The following SLC16A6 variants were observed in gnomAD, a reference collection of about 807,000 sequenced individuals.
SLC16A6 encodes the protein solute carrier family 16 member 6.
SLC16A6 carries 15 observed loss-of-function variants against 33.8 expected under a neutral mutation model. That is an observed-to-expected ratio of 0.44 (90% CI 0.30 to 0.68). SLC16A6 has a LOEUF of 0.68. SLC16A6 is among the 30% of genes least tolerant of loss of function. The pLI is 0.10. For missense variants in SLC16A6, 451 were observed against 661.5 expected (o/e 0.68, Z 3.49); for synonymous variants, 219 against 248.4 (o/e 0.88, Z 1.11).
intron 5 of SLC16A6, among the ~76,000 whole-genome samples, chr17:68,270,543 G>A (rs1277867612): frequency 1.4e-3 from 200 of 144,658 alleles, no homozygotes; most frequent in Non-Finnish European, 2.6e-3. Flanking sequence ...GATAGAGCGA[G>A]ACTCCATCTC....
rs782764638 is a variant in SLC16A6 at position 68,271,527 on chromosome 17, C to T, written c.633G>A (p.Pro211=). ...RPIFIRGPAS[P]KIVIQENRKE... The stretch of plus-strand genomic sequence containing the variant: ...TCCGATTTTCCTGGATGACTATTTT[C>T]GGTGACGCTGGTCCTCTGATAAAGA... The change falls in exon 5 of 6, where the codon CCG becomes CCA. Residue 211 remains proline, a synonymous_variant. Transcript: ENST00000580666. The surrounding 1 kb of genome is among the most constrained non-coding windows in gnomAD (Gnocchi z 5.3). The T allele has an allele frequency of 1.1e-5, 18 of 1,614,164 alleles. No individual in the cohort carries two copies. The highest frequency in any genetic ancestry group is 8.3e-5 in the Admixed American group (5 of 60,016).
chr17:68,291,331 G>T (rs1344589327), upstream of SLC16A6: 19 of 133,966 alleles, frequency 1.4e-4, no homozygotes, highest in African/African-American at 5.4e-4. Flanking sequence ...CCTGCGACCC[G>T]GGCCGTGCGT....
intron 1 of SLC16A6, among the ~76,000 whole-genome samples, chr17:68,284,716 C>T (rs782497444): frequency 8.5e-5 from 13 of 152,308 alleles, no homozygotes; most frequent in Non-Finnish European, 1.5e-4. Context: ...ACTGATAGCG[C>T]CATTCCCACT....
intron 1 of SLC16A6, among the ~76,000 whole-genome samples, chr17:68,282,639 A>C (rs2075728532): frequency 6.6e-6 from 1 of 151,802 alleles, no homozygotes; most frequent in Admixed American, 6.6e-5. Flanking sequence ...TCTCTACAAA[A>C]AAGTATAAGA....
Position 68,267,099 on chromosome 17 carries a change from C to G in SLC16A6, c.*1997G>C, listed in dbSNP as rs782623504. 6.6e-6 allele frequency: 1 copy of G among 152,134 alleles called. No individual in the cohort carries two copies. The highest frequency in any genetic ancestry group is 1.5e-5 in the Non-Finnish European group (1 of 68,022). The allele number at this position is 152,134 out of a possible 1,614,324, so 9.4% of individuals were successfully genotyped here. A position where few individuals can be genotyped will look rare whatever the true frequency, so the allele number is the denominator to read the frequency against. ...AGAATGTCACTAATACAGAACAGAT[C>G]AGCAATCTTGTTTGTATTTTCTTCC... On this transcript the variant is annotated 3_prime_UTR_variant, in exon 6 of 6. Coordinates refer to ENST00000580666, the MANE Select transcript of SLC16A6 (RefSeq NM_004694.5).
At chr17:68,286,561 G>A (rs192114721) in intron 1 of SLC16A6, among the ~76,000 whole-genome samples, 58 of 152,242 alleles carry the variant, frequency 3.8e-4, no homozygotes, top group African/African-American at 1.4e-3. Context: ...CTGAAGTGCA[G>A]TGGCACGATC....
intron 1 of SLC16A6, 67 bp from the exon 2 acceptor site, chr17:68,278,394 T>A: frequency 1.0e-6 from 1 of 973,388 alleles, no homozygotes; most frequent in Non-Finnish European, 1.6e-6. Context: ...CTCATACTCT[T>A]AAGCAAACAA....
chr17:68,270,407 A>G (rs1410666943), intron 5 of SLC16A6, among the ~76,000 whole-genome samples: 1 of 152,124 alleles, frequency 6.6e-6, no homozygotes, highest in Non-Finnish European at 1.5e-5. Context: ...TACAAAAATT[A>G]GCCAGGCGTG....
In SLC16A6 at chr17:68,271,413, T is replaced by C. The variant is rs1555748672; in HGVS notation, c.747A>G (p.Lys249=). 2 of 1,614,216 alleles carry C rather than the reference T, an allele frequency of 1.2e-6. No homozygotes were observed. The highest frequency in any genetic ancestry group is 2.2e-5 in the East Asian group (1 of 44,878). Residue 249 remains lysine (K), a synonymous_variant, in exon 5 of 6, where the codon AAA becomes AAG. Coordinates refer to ENST00000580666, the MANE Select transcript of SLC16A6 (RefSeq NM_004694.5). The surrounding 1 kb of genome is among the most constrained non-coding windows in gnomAD (Gnocchi z 5.3). ...DSGVELTTSP[K]NVPTHTNLEL... ...CCAGGTTAGTGTGAGTAGGCACATT[T>C]TTAGGTGAGGTAGTTAGTTCTACTC... is the stretch of plus-strand genomic sequence containing the variant.
chr17:68,275,322 A>G (rs1182104383), intron 2 of SLC16A6, among the ~76,000 whole-genome samples: 1 of 152,204 alleles, frequency 6.6e-6, no homozygotes, highest in Non-Finnish European at 1.5e-5. Context: ...AACATGCTAG[A>G]AAAGGAAGTG....
rs374993622 is a variant in SLC16A6, at chr17:68,271,572, G to A, written c.588C>T (p.Phe196=). The part of the protein sequence containing the change: ...VGLLQLNIVI[F]GALLRPIFIR... ...TAAAGATGGGTCTGAGCAGTGCTCCGAAGATGACAATGTTTAACTGTAGTA... is the reference window on the plus strand; with the variant it reads ...TAAAGATGGGTCTGAGCAGTGCTCCAAAGATGACAATGTTTAACTGTAGTA... The change falls in exon 5 of 6, where the codon TTC becomes TTT. Residue 196 remains phenylalanine, a synonymous_variant. Transcript: ENST00000580666. This position sits in a 1 kb window ranked among gnomAD's most constrained non-coding sequence, Gnocchi z 5.3. The A allele has an allele frequency of 9.4e-5, 151 of 1,614,180 alleles. No homozygotes were observed. Among genetic ancestry groups the A allele is most frequent in the Middle Eastern group, 1.6e-4 (1 of 6,062 alleles).
intron 2 of SLC16A6, among the ~76,000 whole-genome samples, chr17:68,276,729 C>T (rs1164063740): frequency 3.3e-5 from 5 of 152,264 alleles, no homozygotes; most frequent in African/African-American, 9.6e-5. Context: ...GCTGGGATTA[C>T]AGGCGTGAGC....
At chr17:68,270,758 T>G (rs1555748198) in intron 5 of SLC16A6, 81 bp downstream of exon 5, 1 of 1,313,424 alleles carries the variant, frequency 7.6e-7, no homozygotes, top group African/African-American at 1.5e-5. Flanking sequence ...GCAGTAAGTT[T>G]TTTTTATGGC....
intron 1 of SLC16A6, 86 bp from the exon 2 acceptor site, chr17:68,278,413 A>T: frequency 1.3e-6 from 1 of 756,936 alleles, no homozygotes; most frequent in South Asian, 1.7e-5. Context: ...AACAGATAAG[A>T]ACTACTTACC....
Position 68,271,329 on chromosome 17 carries a change from G to T in SLC16A6, c.831C>A (p.Ser277Arg), listed in dbSNP as rs370850876. 224 of 1,614,062 alleles carry T rather than the reference G, an allele frequency of 1.4e-4. No individual in the cohort carries two copies. Among genetic ancestry groups the T allele is most frequent in the Admixed American group, 3.7e-4 (22 of 60,010 alleles). The change falls in exon 5 of 6, where the codon AGC becomes AGA. Residue 277 changes from serine to arginine, a missense_variant. Ser to Arg is a moderately radical substitution (Grantham distance 110). This residue lies in a region of SLC16A6 where 405 missense variants were observed against 510.7 expected (regional missense o/e 0.79). Coordinates refer to ENST00000580666, the MANE Select transcript of SLC16A6 (RefSeq NM_004694.5). The surrounding 1 kb of genome is among the most constrained non-coding windows in gnomAD (Gnocchi z 5.3). ...QVLVKTSPRP[S>R]EKKAPLLDFS... ...AGTCTAATAGCGGGGCTTTCTTTTC[G>T]CTTGGCCTGGGGCTGGTCTTCACCA...
intron 1 of SLC16A6, among the ~76,000 whole-genome samples, chr17:68,287,126 G>A (rs1021804553): frequency 6.6e-6 from 1 of 152,140 alleles, no homozygotes; most frequent in Non-Finnish European, 1.5e-5. Flanking sequence ...TGGGATTACA[G>A]GCATGCGCCA....
At chr17:68,269,776 C>T (rs765822584) in intron 5 of SLC16A6, among the ~76,000 whole-genome samples, 2 of 149,254 alleles carry the variant, frequency 1.3e-5, no homozygotes, top group East Asian at 2.0e-4. Flanking sequence ...CAGGTTCAAG[C>T]GATTCTCCTG....
chr17:68,284,957 A>C (rs901278628), intron 1 of SLC16A6, among the ~76,000 whole-genome samples: 4 of 152,190 alleles, frequency 2.6e-5, no homozygotes, highest in Non-Finnish European at 4.4e-5. Flanking sequence ...TACCTTGTAC[A>C]CAGCTTGTAT....
chr17:68,278,617 CTTTTTTTTT>C (rs56870988), intron 1 of SLC16A6, among the ~76,000 whole-genome samples: 20 of 111,990 alleles, frequency 1.8e-4, no homozygotes, highest in East Asian at 9.8e-4. Context: ...TTTCTTTTTC[CTTTTTTTTT>C]TTTTTTTTTT....
Sources: gnomAD v4.1 joint callset for allele counts (sites outside exome capture counted in the v4.1 genomes callset) on GRCh38, gnomAD v4.1.1 for gene constraint, gnomAD v4.1.1 regional missense constraint, Gnocchi (gnomAD v3.1) non-coding constraint, MANE v1.5 for transcripts, NCBI Gene and HGNC (gene_info 2026-07-23, HGNC 2026-07-21) for gene names.